Variants in TEX9 observed in about 807,000 individuals in gnomAD.
The protein encoded by TEX9 is testis-expressed protein 9.
TEX9 carries 74 observed loss-of-function variants against 59.6 expected under a neutral mutation model. That is an observed-to-expected ratio of 1.24 (90% confidence interval 1.03 to 1.51). The LOEUF (loss-of-function observed/expected upper bound fraction) is 1.51, where lower values mean the gene tolerates loss of function less well. Ranked by LOEUF, TEX9 falls within the 40% of genes most tolerant of loss-of-function variation. TEX9 has a pLI of 0.00. For missense variants in TEX9, 522 were observed against 447.8 expected, an observed-to-expected ratio of 1.17 and a Z score of -1.49; for synonymous variants, 186 against 152.2, an observed-to-expected ratio of 1.22 and a Z score of -1.64.
upstream of TEX9, among the ~76,000 whole-genome samples, chr15:56,363,416 G>A (rs1239623317): frequency 3.3e-5 from 5 of 151,896 alleles, no homozygotes; most frequent in South Asian, 4.1e-4. Context: ...TGATCTGCCC[G>A]CCTCAGCATC....
intron 1 of TEX9, among the ~76,000 whole-genome samples, chr15:56,349,399 G>T (rs553666423): frequency 7.5e-4 from 114 of 152,280 alleles, no homozygotes; most frequent in African/African-American, 2.6e-3. Flanking sequence ...GTCAGCTAGA[G>T]ATTTGGGCAG....
intron 1 of TEX9, among the ~76,000 whole-genome samples, chr15:56,351,283 C>G (rs567370564): frequency 6.6e-6 from 1 of 152,052 alleles, no homozygotes; most frequent in African/African-American, 2.4e-5. Context: ...AAAGACCTAC[C>G]TAATAAACCT....
intron 1 of TEX9, among the ~76,000 whole-genome samples, chr15:56,281,547 C>T (rs547681216): frequency 6.6e-6 from 1 of 152,270 alleles, no homozygotes; most frequent in South Asian, 2.1e-4. Flanking sequence ...CCATCCCTCA[C>T]CCCCCGCCCC....
chr15:56,315,791 T>G (rs1245077831), intron 1 of TEX9, among the ~76,000 whole-genome samples: 1 of 147,744 alleles, frequency 6.8e-6, no homozygotes, highest in African/African-American at 2.5e-5. Flanking sequence ...GGTACACCAA[T>G]CAGATGTAGA....
intron 1 of TEX9, among the ~76,000 whole-genome samples, chr15:56,272,118 T>G (rs2044549083): frequency 6.6e-6 from 1 of 150,580 alleles, no homozygotes; most frequent in Non-Finnish European, 1.5e-5. Flanking sequence ...CAGTCCAGCC[T>G]GGGTGACAGA....
At chr15:56,246,042 T>C (rs1229130526) in intron 1 of TEX9, among the ~76,000 whole-genome samples, 3 of 152,158 alleles carry the variant, frequency 2.0e-5, no homozygotes, top group African/African-American at 7.2e-5. Context: ...ATCTAAGGTC[T>C]GCCAAAGGCC....
chr15:56,388,983 C>T (rs896421665), intron 5 of TEX9, among the ~76,000 whole-genome samples: 5 of 152,056 alleles, frequency 3.3e-5, no homozygotes, highest in East Asian at 1.9e-4. Context: ...CTGAAGGCCA[C>T]GGGAGGTCTG....
intron 9 of TEX9, among the ~76,000 whole-genome samples, chr15:56,401,376 A>C (rs2048772527): frequency 6.6e-6 from 1 of 151,592 alleles, no homozygotes; most frequent in Admixed American, 6.6e-5. Flanking sequence ...ACTTTAAACC[A>C]ACAAAGATCA....
chr15:56,274,697 T>C (rs1461161033), intron 1 of TEX9: 1 of 152,034 alleles, frequency 6.6e-6, no homozygotes, highest in African/African-American at 2.4e-5. Flanking sequence ...AGGTAAGTAG[T>C]ATTTATGCCT....
At chr15:56,431,818 C>T (rs1357618585) in intron 12 of TEX9, among the ~76,000 whole-genome samples, 1 of 151,642 alleles carries the variant, frequency 6.6e-6, no homozygotes, top group African/African-American at 2.4e-5. Context: ...GAATGCTTAC[C>T]ATATACCAGA....
exon 8 of TEX9, chr15:56,394,183 T>C: frequency 6.2e-7 from 1 of 1,608,114 alleles, no homozygotes; most frequent in Non-Finnish European, 8.5e-7. Context: ...ATCAGATTTC[T>C]AAAGGCCAAA....
At chr15:56,271,183 C>G (rs992141412) in intron 1 of TEX9, among the ~76,000 whole-genome samples, 1 of 152,228 alleles carries the variant, frequency 6.6e-6, no homozygotes, top group Admixed American at 6.5e-5. Flanking sequence ...TGTTGACCCA[C>G]CTTACTAGTT....
chr15:56,391,459 A>G (rs2048206922), intron 7 of TEX9, 41 bp downstream of exon 7: 1 of 1,293,598 alleles, frequency 7.7e-7, no homozygotes, highest in Non-Finnish European at 1.0e-6. Context: ...TTTATAGCAC[A>G]GTTACTTAGA....
intron 1 of TEX9, among the ~76,000 whole-genome samples, chr15:56,260,737 G>C (rs2044246834): frequency 6.6e-6 from 1 of 151,762 alleles, no homozygotes; most frequent in Non-Finnish European, 1.5e-5. Context: ...ATATTTTTGT[G>C]TTAGGGTTGT....
At chr15:56,315,769 C>T (rs1323424237) in intron 1 of TEX9, among the ~76,000 whole-genome samples, 1 of 147,112 alleles carries the variant, frequency 6.8e-6, no homozygotes, top group Non-Finnish European at 1.5e-5. Context: ...TCCATTCTCC[C>T]CATCACTTTC....
At chr15:56,449,666 T>C (rs2050934954), downstream of TEX9, among the ~76,000 whole-genome samples, 1 of 152,134 alleles carries the variant, frequency 6.6e-6, no homozygotes, top group Non-Finnish European at 1.5e-5. Context: ...TCCTGAATGT[T>C]TGGTAAAATT....
intron 1 of TEX9, among the ~76,000 whole-genome samples, chr15:56,311,228 G>A (rs868331818): frequency 0.01 from 1,421 of 140,878 alleles, 27 homozygotes; most frequent in African/African-American, 0.036. Context: ...GTGCCATGCT[G>A]GTGCGCTGCA....
In TEX9 at chr15:56,369,886, A is replaced by T. The variant is rs182809866; in HGVS notation, c.120-3555A>T. On this transcript the variant is annotated intron_variant, in intron 2 of 12. Transcript: ENST00000352903. ...AAATCATCAATTATAATTATAGTTTAAAAAAATTCCTTATAATGTGGCCAT... is the reference window on the plus strand; with the variant it reads ...AAATCATCAATTATAATTATAGTTTTAAAAAATTCCTTATAATGTGGCCAT... 4.7e-3 allele frequency among the ~76,000 whole-genome samples: 710 copies of T among 152,250 alleles called. 5 individuals carry two copies. The highest frequency in any genetic ancestry group is 0.017 in the African/African-American group (690 of 41,564).
At chr15:56,405,248 G>A (rs1368421999) in intron 9 of TEX9, among the ~76,000 whole-genome samples, 6 of 151,560 alleles carry the variant, frequency 4.0e-5, no homozygotes, top group African/African-American at 1.2e-4. Context: ...GGGAGCTTGC[G>A]GTAAGCCTAG....
Sources: allele counts gnomAD v4.1 joint callset (sites outside exome capture counted in the v4.1 genomes callset), GRCh38; gene constraint gnomAD v4.1.1; transcripts MANE v1.5; gene names NCBI Gene and HGNC (gene_info 2026-07-23, HGNC 2026-07-21).